The following IQCM variants were observed in gnomAD, a reference collection of about 807,000 sequenced individuals.
The protein encoded by IQCM is IQ motif containing M.
In IQCM, 45 loss-of-function variants were observed where a neutral mutation model predicts 57.6. The observed-to-expected ratio is 0.78, with a 90% CI of 0.62 to 1.00. The LOEUF (loss-of-function observed/expected upper bound fraction) is 1.00, where lower values mean the gene tolerates loss of function less well. IQCM is among the 50% of genes least tolerant of loss of function. The probability of loss-of-function intolerance (pLI) is 0.00; values close to 1 mark genes in which losing one functional copy is unlikely to be tolerated. For missense variants in IQCM, 468 were observed against 511.6 expected (o/e 0.91, Z 0.82); for synonymous variants, 148 against 158.9 (o/e 0.93, Z 0.51).
At chr4:149,713,481 T>C (rs1361988248) in intron 5 of IQCM, among the ~76,000 whole-genome samples, 1 of 152,172 alleles carries the variant, frequency 6.6e-6, no homozygotes, top group Non-Finnish European at 1.5e-5. Flanking sequence ...CATATAACAC[T>C]AACACTAACC....
intron 3 of IQCM, among the ~76,000 whole-genome samples, chr4:149,739,131 T>C (rs1767212722): frequency 6.6e-6 from 1 of 152,158 alleles, no homozygotes; most frequent in Admixed American, 6.6e-5. Context: ...TCCTTCTTTA[T>C]TATGAAAACT....
chr4:149,583,451 A>G (rs1237135326), intron 9 of IQCM, among the ~76,000 whole-genome samples: 3 of 151,714 alleles, frequency 2.0e-5, no homozygotes, highest in African/African-American at 7.2e-5. Context: ...AGACCTATCA[A>G]TTGTTATATT....
At chr4:149,397,972 C>T (rs570029181) in intron 13 of IQCM, among the ~76,000 whole-genome samples, 4 of 151,904 alleles carry the variant, frequency 2.6e-5, no homozygotes, top group South Asian at 2.1e-4. Flanking sequence ...CTTTTTGTGT[C>T]GTACCTATGA....
chr4:149,672,201 A>G (rs1175825600), intron 7 of IQCM, among the ~76,000 whole-genome samples: 1 of 152,200 alleles, frequency 6.6e-6, no homozygotes, highest in Non-Finnish European at 1.5e-5. Context: ...AATTCTAAAA[A>G]TCAGAGCGGC....
intron 10 of IQCM, among the ~76,000 whole-genome samples, chr4:149,557,180 T>C (rs985814983): frequency 6.6e-6 from 1 of 152,112 alleles, no homozygotes; most frequent in Non-Finnish European, 1.5e-5. Context: ...GTGGGAGTAT[T>C]ATCTAGCCTT....
At chr4:149,575,397 C>T (rs1041094682) in intron 9 of IQCM, among the ~76,000 whole-genome samples, 4 of 151,942 alleles carry the variant, frequency 2.6e-5, no homozygotes, top group Middle Eastern at 3.4e-3. Context: ...CAGTACTTCA[C>T]GCTAGTAAAA....
intron 5 of IQCM, among the ~76,000 whole-genome samples, chr4:149,699,074 G>A (rs1295774202): frequency 3.3e-5 from 5 of 151,922 alleles, no homozygotes; most frequent in East Asian, 1.9e-4. Flanking sequence ...GACACATAAC[G>A]TCATACAGTA....
At chr4:149,497,651 G>T (rs1295761183) in intron 12 of IQCM, among the ~76,000 whole-genome samples, 3 of 150,418 alleles carry the variant, frequency 2.0e-5, no homozygotes, top group Non-Finnish European at 4.4e-5. Flanking sequence ...GGGAATTCAA[G>T]ATAAGATCTG....
intron 8 of IQCM, among the ~76,000 whole-genome samples, chr4:149,610,429 T>C (rs1349890185): frequency 6.6e-6 from 1 of 151,682 alleles, no homozygotes; most frequent in Non-Finnish European, 1.5e-5. Flanking sequence ...CAATCCTGAG[T>C]AAAAAGTACA....
At chr4:149,747,539 T>A (rs994959482) in intron 2 of IQCM, among the ~76,000 whole-genome samples, 8 of 152,228 alleles carry the variant, frequency 5.3e-5, no homozygotes, top group African/African-American at 1.9e-4. Context: ...TGTCCATTTT[T>A]AAAAAATATT....
At chr4:149,610,932 C>T (rs985502192) in intron 8 of IQCM, among the ~76,000 whole-genome samples, 21 of 151,736 alleles carry the variant, frequency 1.4e-4, no homozygotes, top group African/African-American at 5.1e-4. Context: ...AGACAGCCAA[C>T]GAATGGGGGA....
chr4:149,449,176 C>A (rs893530266), intron 12 of IQCM, among the ~76,000 whole-genome samples: 34 of 137,802 alleles, frequency 2.5e-4, no homozygotes, highest in Non-Finnish European at 3.9e-4. Context: ...CTGTTCCCCC[C>A]CAACCCGCCA....
intron 13 of IQCM, among the ~76,000 whole-genome samples, chr4:149,401,676 T>TA: frequency 6.6e-6 from 1 of 151,932 alleles, no homozygotes; most frequent in East Asian, 1.9e-4. Context: ...AAAATGCAGG[T>TA]ATCAAACATT....
At chr4:149,496,406 T>A (rs373995222) in intron 12 of IQCM, among the ~76,000 whole-genome samples, 21 of 152,254 alleles carry the variant, frequency 1.4e-4, no homozygotes, top group Middle Eastern at 6.8e-3. Flanking sequence ...AGTATTTTGA[T>A]ATTGGAAGAT....
intron 9 of IQCM, among the ~76,000 whole-genome samples, chr4:149,585,801 T>C (rs1051755214): frequency 6.6e-6 from 1 of 151,746 alleles, no homozygotes; most frequent in East Asian, 1.9e-4. Context: ...TTCTGTTTTT[T>C]ACTTTCAGGA....
chr4:149,684,688 T>C (rs1762427631), intron 6 of IQCM, among the ~76,000 whole-genome samples: 1 of 151,492 alleles, frequency 6.6e-6, no homozygotes, highest in South Asian at 2.1e-4. Context: ...AAAAAATTTT[T>C]GCCTAATGAC....
At chr4:149,797,513 A>C (rs1773216307) in intron 2 of IQCM, among the ~76,000 whole-genome samples, 1 of 152,014 alleles carries the variant, frequency 6.6e-6, no homozygotes. Context: ...ATTCAAGGGG[A>C]TAATAAGAGA....
intron 12 of IQCM, among the ~76,000 whole-genome samples, chr4:149,455,394 A>G (rs1349449117): frequency 6.6e-6 from 1 of 152,062 alleles, no homozygotes; most frequent in East Asian, 1.9e-4. Context: ...ATTGCCTGAC[A>G]TCCTGTGAGA....
intron 6 of IQCM, among the ~76,000 whole-genome samples, chr4:149,684,432 G>A (rs1219532829): frequency 1.3e-5 from 2 of 151,110 alleles, no homozygotes; most frequent in East Asian, 3.9e-4. Context: ...ATTTTTCAAG[G>A]CATCTTCAGG....
Sources: gnomAD v4.1 joint callset for allele counts (sites outside exome capture counted in the v4.1 genomes callset) on GRCh38, gnomAD v4.1.1 for gene constraint, MANE v1.5 for transcripts, NCBI Gene and HGNC (gene_info 2026-07-23, HGNC 2026-07-21) for gene names.